TBC1D19: variants seen among roughly 807,000 people sequenced by gnomAD.
TBC1D19 encodes TBC1 domain family, member 19.
Under a neutral mutation model 89.0 loss-of-function variants are expected in TBC1D19, and 60 were observed. The observed-to-expected ratio is 0.67, with a 90% CI of 0.55 to 0.84. The LOEUF is 0.84. Ranked by LOEUF, TBC1D19 falls within the 40% of genes least tolerant of loss-of-function variation. The probability of loss-of-function intolerance (pLI) is 0.00; values close to 1 mark genes in which losing one functional copy is unlikely to be tolerated. For missense variants in TBC1D19, 500 were observed against 610.8 expected (o/e 0.82, Z 1.91); for synonymous variants, 189 against 199.7 (o/e 0.95, Z 0.45).
intron 16 of TBC1D19, among the ~76,000 whole-genome samples, chr4:26,736,579 G>A (rs950788836): frequency 3.3e-5 from 5 of 151,968 alleles, no homozygotes; most frequent in African/African-American, 1.2e-4. Flanking sequence ...ATGGTCCTGT[G>A]GTTTACCATT....
At chr4:26,838,574 A>C in the TBC1D19 span, among the ~76,000 whole-genome samples, 1 of 152,244 alleles carries the variant, frequency 6.6e-6, no homozygotes, top group African/African-American at 2.4e-5. Flanking sequence ...ATATGTTAAA[A>C]GCTCCATATC....
downstream of TBC1D19, among the ~76,000 whole-genome samples, chr4:26,758,657 A>G (rs1039112303): frequency 7.9e-5 from 12 of 152,228 alleles, no homozygotes; most frequent in African/African-American, 2.9e-4. Context: ...GCTGCAGTCT[A>G]GGAATGGAGA....
intron 18 of TBC1D19, 134 bp downstream of exon 18, chr4:26,742,733 T>A: frequency 1.9e-6 from 1 of 533,070 alleles, no homozygotes; most frequent in Non-Finnish European, 3.1e-6. Context: ...AAACTATAAT[T>A]ATCAATTAGT....
chr4:26,726,727 A>T (rs1234187665), intron 15 of TBC1D19, among the ~76,000 whole-genome samples: 3 of 152,236 alleles, frequency 2.0e-5, no homozygotes, highest in African/African-American at 7.2e-5. Context: ...AAGTAATAAT[A>T]TGCTTTCAGC....
chr4:26,852,391 C>CA, the TBC1D19 span, among the ~76,000 whole-genome samples: 14 of 151,618 alleles, frequency 9.2e-5, no homozygotes, highest in Admixed American at 4.6e-4. Flanking sequence ...CCTATCTCTA[C>CA]AAAAAAAATA....
upstream of TBC1D19, among the ~76,000 whole-genome samples, chr4:26,580,280 T>C (rs183321897): frequency 1.4e-4 from 21 of 151,834 alleles, no homozygotes; most frequent in Middle Eastern, 6.8e-3. Flanking sequence ...GCTTTTTTTT[T>C]CCCCCATAAA....
the TBC1D19 span, among the ~76,000 whole-genome samples, chr4:26,846,864 G>T: frequency 7.2e-5 from 11 of 151,840 alleles, no homozygotes; most frequent in Non-Finnish European, 1.3e-4. Flanking sequence ...CCTTCTTTTT[G>T]CTCACTCTCT....
intron 13 of TBC1D19, among the ~76,000 whole-genome samples, chr4:26,711,949 A>G (rs1400626595): frequency 6.6e-6 from 1 of 152,014 alleles, no homozygotes; most frequent in African/African-American, 2.4e-5. Flanking sequence ...TCACCTTACA[A>G]TCGCCAATAT....
the TBC1D19 span, among the ~76,000 whole-genome samples, chr4:26,851,490 T>C: frequency 6.6e-6 from 1 of 152,172 alleles, no homozygotes; most frequent in Non-Finnish European, 1.5e-5. Flanking sequence ...GGTTGAACAG[T>C]TCCAGAGACT....
At chr4:26,750,908 G>A (rs950503817) in intron 19 of TBC1D19, among the ~76,000 whole-genome samples, 2 of 152,190 alleles carry the variant, frequency 1.3e-5, no homozygotes, top group African/African-American at 4.8e-5. Context: ...GTAGTCTTGA[G>A]AAATATTTTC....
At chr4:26,710,012 G>A (rs1458684119) in intron 13 of TBC1D19, among the ~76,000 whole-genome samples, 4 of 151,660 alleles carry the variant, frequency 2.6e-5, no homozygotes, top group Admixed American at 2.6e-4. Context: ...TTGAAAATTT[G>A]TATCAGGGCA....
chr4:26,754,946 G>GATCTT lies in TBC1D19; in HGVS notation c.1581_*4dup. ...ATTTTTCTGTTTGCTACTGTCACCTGATCTTCTTCACAGTCACTGGCAACA... is the reference window on the plus strand; with the variant it reads ...ATTTTTCTGTTTGCTACTGTCACCTGATCTTATCTTCTTCACAGTCACTGGCAACA... On this transcript the variant is annotated frameshift_variant and stop_retained_variant, in exon 21 of 21. Transcript: ENST00000264866. LOFTEE classifies it high-confidence loss of function. 1.9e-6 allele frequency: 3 copies of GATCTT among 1,603,428 alleles called. No homozygotes were observed. The highest frequency in any genetic ancestry group is 2.5e-6 in the Non-Finnish European group (3 of 1,176,498).
At chr4:26,578,575 A>AAGAG (rs143078134) in intron 1 of TBC1D19, among the ~76,000 whole-genome samples, 12 of 148,670 alleles carry the variant, frequency 8.1e-5, no homozygotes, top group African/African-American at 2.2e-4. Context: ...GTAGAAATGT[A>AAGAG]AGAGAGAGAG....
intron 16 of TBC1D19, among the ~76,000 whole-genome samples, chr4:26,737,240 G>A (rs1016335992): frequency 2.6e-5 from 4 of 151,884 alleles, no homozygotes; most frequent in Non-Finnish European, 5.9e-5. Flanking sequence ...ATTCTCTTGG[G>A]CAACCAAAAT....
chr4:26,649,941 C>A (rs571736630), intron 7 of TBC1D19, among the ~76,000 whole-genome samples: 6 of 139,934 alleles, frequency 4.3e-5, no homozygotes, highest in Non-Finnish European at 7.8e-5. Flanking sequence ...CAATTCCCAC[C>A]TATGAGTGAG....
At chr4:26,817,985 T>A in the TBC1D19 span, among the ~76,000 whole-genome samples, 22,511 of 131,296 alleles carry the variant, frequency 0.17, 2,182 homozygotes, top group Non-Finnish European at 0.22. Context: ...AAAAAAAATA[T>A]ATATATATAT....
intron 13 of TBC1D19, among the ~76,000 whole-genome samples, chr4:26,692,848 A>T (rs181349904): frequency 1.3e-5 from 2 of 152,350 alleles, no homozygotes; most frequent in African/African-American, 2.4e-5. Flanking sequence ...CAATTTATGC[A>T]TGAGGACATT....
intron 5 of TBC1D19, 48 bp from the exon 6 acceptor site, chr4:26,638,723 A>G: frequency 2.8e-6 from 4 of 1,445,326 alleles, no homozygotes; most frequent in Admixed American, 1.8e-5. Flanking sequence ...TTGTATTGCT[A>G]GACTTCAAAA....
rs375399008 is a variant in TBC1D19 at position 26,592,360 on chromosome 4, C to T, written c.99+8068C>T. Among the ~76,000 whole-genome samples, 37 of 152,204 alleles carry T rather than the reference C, an allele frequency of 2.4e-4. No individual in the cohort carries two copies. The East Asian group carries it at 4.0e-3, about 17-fold the overall frequency. ...TCTCAAAAATAATAAGAGCTGTTTACGACAAACCCACAGCCAATATCATAC... is the reference window on the plus strand; with the variant it reads ...TCTCAAAAATAATAAGAGCTGTTTATGACAAACCCACAGCCAATATCATAC... On this transcript the variant is annotated intron_variant, in intron 1 of 20. Coordinates refer to ENST00000264866, the MANE Select transcript of TBC1D19 (RefSeq NM_018317.4).
Sources: allele counts gnomAD v4.1 joint callset (sites outside exome capture counted in the v4.1 genomes callset), GRCh38; gene constraint gnomAD v4.1.1; transcripts MANE v1.5; gene names NCBI Gene and HGNC (gene_info 2026-07-23, HGNC 2026-07-21).